Variants in SLURP2 observed in about 807,000 individuals in gnomAD.
SLURP2 encodes secreted LY6/PLAUR domain containing 2.
A neutral mutation model predicts 9.8 loss-of-function variants in SLURP2; 4 were observed. The observed-to-expected ratio is 0.41, with a 90% CI of 0.20 to 0.94. The LOEUF (loss-of-function observed/expected upper bound fraction) is 0.94, where lower values mean the gene tolerates loss of function less well. Ranked by LOEUF, SLURP2 falls within the 40% of genes least tolerant of loss-of-function variation. The pLI is 0.32. For synonymous variants in SLURP2, 58 were observed against 56.2 expected, an observed-to-expected ratio of 1.03 and a Z score of -0.15; for missense variants, 118 against 126.4, an observed-to-expected ratio of 0.93 and a Z score of 0.32.
chr8:142,764,804 C>T, intron 2 of SLURP2, 63 bp from the exon 3 acceptor site: 2 of 1,581,750 alleles, frequency 1.3e-6, no homozygotes, highest in Non-Finnish European at 1.7e-6. Flanking sequence ...GACCCTGCTG[C>T]CCCATCTGCC....
intron 2 of SLURP2, 141 bp downstream of exon 2, chr8:142,764,895 T>G: frequency 8.7e-7 from 1 of 1,144,372 alleles, no homozygotes; most frequent in Non-Finnish European, 1.3e-6. Flanking sequence ...GCTCATACCC[T>G]TCCCTGGGCA....
In SLURP2 at chr8:142,765,110, C is replaced by T; in HGVS notation, c.83G>A (p.Cys28Tyr). The change falls in exon 2 of 3, where the codon TGC becomes TAC. Residue 28 changes from cysteine (C) to tyrosine (Y), a missense_variant. By Grantham distance (194) the Cys-to-Tyr change is radical. Transcript: ENST00000317543. Reference sequence around the variant, plus strand: ...ATGGGAGCACCCTCCGAAGCCCGTGCACTGGTGACACCATATGGCTTCGGC... The same window carrying T: ...ATGGGAGCACCCTCCGAAGCCCGTGTACTGGTGACACCATATGGCTTCGGC... ...AAAEAIWCHQ[C>Y]TGFGGCSHGS... 6.2e-7 allele frequency: 1 copy of T among 1,612,148 alleles called. No homozygotes were observed. The highest frequency in any genetic ancestry group is 8.5e-7 in the Non-Finnish European group (1 of 1,179,530).
At position 142,765,061 on chromosome 8, in the gene SLURP2, G is replaced by A. The variant is rs143561039; in HGVS notation, c.132C>T (p.Ser44=). Residue 44 remains serine, a synonymous_variant, in exon 2 of 3, where the codon TCC becomes TCT. Transcript: ENST00000317543. ...GGGTGGCAGTGGTGACACAGTGGGT[G>A]GAGTCCCTCAGGCATCTGGATCCAT... The part of the protein sequence containing the change: ...CSHGSRCLRD[S]THCVTTATRV... 9 of 1,612,642 alleles carry A rather than the reference G, an allele frequency of 5.6e-6. No homozygotes were observed. Among genetic ancestry groups the A allele is most frequent in the Non-Finnish European group, 6.8e-6 (8 of 1,179,700 alleles).
At chr8:142,765,244 C>T (rs1814965365) in intron 1 of SLURP2, 104 bp from the exon 2 acceptor site, 3 of 871,030 alleles carry the variant, frequency 3.4e-6, no homozygotes, top group African/African-American at 3.3e-5. Flanking sequence ...GCCCATGCTC[C>T]TTCTCAGCGG....
At chr8:142,765,645 G>A (rs1407148859) in intron 1 of SLURP2, among the ~76,000 whole-genome samples, 1 of 152,190 alleles carries the variant, frequency 6.6e-6, no homozygotes, top group African/African-American at 2.4e-5. Flanking sequence ...AGGATGTGGT[G>A]GAACAGGAAT....
chr8:142,764,393 C>T lies in SLURP2; in HGVS notation c.*212G>A, dbSNP rs193272372. The stretch of plus-strand genomic sequence containing the variant: ...GTGGGGAGGTCGGGACCTGAAGGGG[C>T]GGCAGGCACGATGGGCCCCAGGCTT... On this transcript the variant is annotated 3_prime_UTR_variant, in exon 3 of 3. Transcript: ENST00000317543. 92 of 670,082 alleles carry T rather than the reference C, an allele frequency of 1.4e-4. No individual in the cohort carries two copies. The highest frequency in any genetic ancestry group is 2.2e-4 in the Non-Finnish European group (83 of 376,864). The allele number at this position is 670,082 out of a possible 1,614,324, so 41.5% of individuals were successfully genotyped here. A position where few individuals can be genotyped will look rare whatever the true frequency, so the allele number is the denominator to read the frequency against.
Position 142,764,521 on chromosome 8 carries a change from G to C in SLURP2, c.*84C>G. 4.9e-6 allele frequency: 7 copies of C among 1,423,900 alleles called. No homozygotes were observed. Among genetic ancestry groups the C allele is most frequent in the Non-Finnish European group, 6.8e-6 (7 of 1,031,956 alleles). 88.2% of individuals were successfully genotyped at this position (1,423,900 alleles called of 1,614,324 possible). On this transcript the variant is annotated 3_prime_UTR_variant, in exon 3 of 3. Coordinates refer to ENST00000317543, the MANE Select transcript of SLURP2 (RefSeq NM_177458.3). ...CGGGAGAGGTGGGCTGGCCAGTCTC[G>C]AGGGAGGGGCAGCTGTGAGCCCTGG... is the stretch of plus-strand genomic sequence containing the variant.
In SLURP2 at chr8:142,768,234, G is replaced by T. The variant is rs191478307; in HGVS notation, c.52+1521C>A. Among the ~76,000 whole-genome samples, 1,596 of 136,928 alleles carry T rather than the reference G, an allele frequency of 0.012. 33 individuals are homozygous for T. Among genetic ancestry groups the T allele is most frequent in the African/African-American group, 0.038 (1,422 of 37,326 alleles). The allele number at this position is 136,928 out of a possible 152,430, so 89.8% of individuals were successfully genotyped here. ...AGAGAGGAGGAGGGAGGTGGGGTGG[G>T]GGGGAGGGGGCAGGAATAATGGAGG... On this transcript the variant is annotated intron_variant, in intron 1 of 2. Coordinates refer to ENST00000317543, the MANE Select transcript of SLURP2 (RefSeq NM_177458.3). The surrounding 1 kb of genome is among the most constrained non-coding windows in gnomAD (Gnocchi z 4.8).
At chr8:142,764,949 C>G in intron 2 of SLURP2, 87 bp downstream of exon 2, 3 of 1,253,056 alleles carry the variant, frequency 2.4e-6, no homozygotes, top group Non-Finnish European at 3.4e-6. Flanking sequence ...TTACTGGGTG[C>G]CTGGATCTGG....
Position 142,765,088 on chromosome 8 carries a change from G to A in SLURP2, c.105C>T (p.Ser35=). ...AGTCCCTCAGGCATCTGGATCCATG[G>A]GAGCACCCTCCGAAGCCCGTGCACT... The part of the protein sequence containing the change: ...CHQCTGFGGC[S]HGSRCLRDST... The change falls in exon 2 of 3, where the codon TCC becomes TCT. Residue 35 remains serine, a synonymous_variant. Transcript: ENST00000317543. The A allele has an allele frequency of 6.2e-7, 1 of 1,612,876 alleles. No homozygotes were observed. The highest frequency in any genetic ancestry group is 8.5e-7 in the Non-Finnish European group (1 of 1,179,848).
At position 142,764,674 on chromosome 8, in the gene SLURP2, G is replaced by C; in HGVS notation, c.225C>G (p.Ile75Met). 6.2e-7 allele frequency: 1 copy of C among 1,612,512 alleles called. No homozygotes were observed. The highest frequency in any genetic ancestry group is 8.5e-7 in the Non-Finnish European group (1 of 1,179,466). Residue 75 changes from isoleucine to methionine, a missense_variant, in exon 3 of 3, where the codon ATC becomes ATG. By Grantham distance (10) the Ile-to-Met change is conservative (BLOSUM62 1). Transcript: ENST00000317543. ...CGTAGGGGCCCAGGCCCAGGCTGGG[G>C]ATATCGGGGCAGCCTATGTGGCACA... is the stretch of plus-strand genomic sequence containing the variant. Reference protein sequence around the residue: ...TKMCHIGCPDIPSLGLGPYVS... With the variant: ...TKMCHIGCPDMPSLGLGPYVS...
At chr8:142,765,906 T>C (rs995791003) in intron 1 of SLURP2, among the ~76,000 whole-genome samples, 51 of 150,464 alleles carry the variant, frequency 3.4e-4, no homozygotes, top group African/African-American at 9.3e-4. Context: ...GAGGTTGCAG[T>C]GAGCCGAGAT....
Position 142,764,641 on chromosome 8 carries a change from G to C in SLURP2, c.258C>G (p.Ile86Met). 1.2e-6 allele frequency: 2 copies of C among 1,608,886 alleles called. No individual in the cohort carries two copies. Among genetic ancestry groups the C allele is most frequent in the Non-Finnish European group, 1.7e-6 (2 of 1,178,392 alleles). The change falls in exon 3 of 3, where the codon ATC becomes ATG. Residue 86 changes from isoleucine (I) to methionine (M), a missense_variant. Transcript: ENST00000317543. ...TGCAGAGGCTGGTCTGGCAGCAAGC[G>C]ATGGATACGTAGGGGCCCAGGCCCA... ...PSLGLGPYVS[I>M]ACCQTSLCNH... is the part of the protein sequence containing the mutation.
At chr8:142,765,187 G>A (rs1254674797) in intron 1 of SLURP2, 47 bp from the exon 2 acceptor site, 1 of 1,474,982 alleles carries the variant, frequency 6.8e-7, no homozygotes, top group Admixed American at 1.8e-5. Context: ...GGAGGCAGGT[G>A]TGGGCCACCT....
chr8:142,764,368 G>T lies in SLURP2; in HGVS notation c.*237C>A. The T allele has an allele frequency of 6.2e-6, 4 of 646,212 alleles. No homozygotes were observed. Among genetic ancestry groups the T allele is most frequent in the Non-Finnish European group, 1.1e-5 (4 of 363,442 alleles). The allele number at this position is 646,212 out of a possible 1,614,324, so 40.0% of individuals were successfully genotyped here. A position where few individuals can be genotyped will look rare whatever the true frequency, so the allele number is the denominator to read the frequency against. Reference sequence around the variant, plus strand: ...CCACACGATCCAATCACATTTTATTGTGGGGAGGTCGGGACCTGAAGGGGC... The same window carrying T: ...CCACACGATCCAATCACATTTTATTTTGGGGAGGTCGGGACCTGAAGGGGC... On this transcript the variant is annotated 3_prime_UTR_variant, in exon 3 of 3. Coordinates refer to ENST00000317543, the MANE Select transcript of SLURP2 (RefSeq NM_177458.3).
At chr8:142,765,184 GGTGT>G in intron 1 of SLURP2, 44 bp from the exon 2 acceptor site, 1 of 1,498,902 alleles carries the variant, frequency 6.7e-7, no homozygotes, top group Non-Finnish European at 9.2e-7. Flanking sequence ...ATGGGAGGCA[GGTGT>G]GGGCCACCTT....
At position 142,768,969 on chromosome 8, in the gene SLURP2, G is replaced by A. The variant is rs111802910; in HGVS notation, c.52+786C>T. ...GGCTTGGCCCCTGGGGGGCTGGGCT[G>A]CTTGGGCTTGGAGGTGCAGGCCACC... On this transcript the variant is annotated intron_variant, in intron 1 of 2. Coordinates refer to ENST00000317543, the MANE Select transcript of SLURP2 (RefSeq NM_177458.3). This position sits in a 1 kb window ranked among gnomAD's most constrained non-coding sequence, Gnocchi z 4.8. Among the ~76,000 whole-genome samples the A allele has an allele frequency of 0.011, 1,625 of 152,160 alleles. 37 individuals carry two copies. Among genetic ancestry groups the A allele is most frequent in the African/African-American group, 0.037 (1,551 of 41,508 alleles).
chr8:142,764,775 T>C (rs1301410986), intron 2 of SLURP2, 34 bp from the exon 3 acceptor site: 2 of 1,609,220 alleles, frequency 1.2e-6, no homozygotes, highest in South Asian at 2.2e-5. Context: ...TGGAGCTCCC[T>C]GAGGCTCTGG....
chr8:142,768,874 C>T lies in SLURP2; in HGVS notation c.52+881G>A, dbSNP rs371615818. ...GCGCCAGGGACTCACCGACGCTCCA[C>T]CCCCTGCTCATTCAGGGCCTGGGAG... On this transcript the variant is annotated intron_variant, in intron 1 of 2. Transcript: ENST00000317543. The surrounding 1 kb of genome is among the most constrained non-coding windows in gnomAD (Gnocchi z 4.8). Among the ~76,000 whole-genome samples the T allele has an allele frequency of 1.2e-4, 19 of 152,210 alleles. No homozygotes were observed. Among genetic ancestry groups the T allele is most frequent in the African/African-American group, 4.1e-4 (17 of 41,546 alleles).
Sources: gnomAD v4.1 joint callset for allele counts (sites outside exome capture counted in the v4.1 genomes callset) on GRCh38, gnomAD v4.1.1 for gene constraint, Gnocchi (gnomAD v3.1) non-coding constraint, MANE v1.5 for transcripts, NCBI Gene and HGNC (gene_info 2026-07-23, HGNC 2026-07-21) for gene names.